SOS2: variants seen among roughly 807,000 people sequenced by gnomAD.
SOS2 encodes the protein SOS Ras/Rho guanine nucleotide exchange factor 2.
In SOS2, 65 loss-of-function variants were observed where a neutral mutation model predicts 148.2. The observed-to-expected ratio is 0.44, with a 90% CI of 0.36 to 0.54. The LOEUF (loss-of-function observed/expected upper bound fraction) is 0.54. Ranked by LOEUF, SOS2 falls within the 20% of genes least tolerant of loss-of-function variation. The pLI is 0.00. For missense variants in SOS2, 1,341 were observed against 1,590.2 expected (o/e 0.84, Z 2.67); for synonymous variants, 539 against 537.1 (o/e 1.00, Z -0.05).
rs1884612578 is a variant in SOS2 at position 50,150,079 on chromosome 14, T to C, written c.2313A>G (p.Thr771=). ...TTGGATGAAGTGTCATGAGATCAAA[T>C]GTTTCAAACTGTCCTGGTTTGCTGA... ...WHISKPGQFE[T]FDLMTLHPIE... Residue 771 remains threonine (T), a synonymous_variant, in exon 14 of 23, where the codon ACA becomes ACG. Coordinates refer to ENST00000216373, the MANE Select transcript of SOS2 (RefSeq NM_006939.4). The C allele has an allele frequency of 6.2e-7, 1 of 1,614,144 alleles. No individual in the cohort carries two copies. Among genetic ancestry groups the C allele is most frequent in the Non-Finnish European group, 8.5e-7 (1 of 1,179,992 alleles).
In SOS2 at chr14:50,178,756, CAG is replaced by C. The variant is rs200270791; in HGVS notation, c.969+1814_969+1815del. Among the ~76,000 whole-genome samples the C allele has an allele frequency of 4.8e-3, 694 of 145,460 alleles. 10 individuals carry two copies. The highest frequency in any genetic ancestry group is 0.016 in the African/African-American group (620 of 38,850). On this transcript the variant is annotated intron_variant, in intron 7 of 22. Transcript: ENST00000216373. ...TATATATATATATATTTTTTGGAGA[CAG>C]GGTCTTGCTCTGTCACCTAGGCTGG...
chr14:50,188,403 G>A (rs1041805881), intron 5 of SOS2, 94 bp downstream of exon 5: 67 of 833,380 alleles, frequency 8.0e-5, no homozygotes, highest in South Asian at 2.8e-4. Flanking sequence ...GCAAGACTCC[G>A]TCTCAAAAAA....
chr14:50,186,299 T>C (rs1885909724), intron 5 of SOS2, among the ~76,000 whole-genome samples: 1 of 151,986 alleles, frequency 6.6e-6, no homozygotes, highest in Non-Finnish European at 1.5e-5. Context: ...ACTAATCCAG[T>C]GAAAAGAGAC....
intron 1 of SOS2, 106 bp from the exon 2 acceptor site, chr14:50,204,515 C>A: frequency 1.5e-6 from 1 of 680,644 alleles, no homozygotes; most frequent in Non-Finnish European, 2.4e-6. Context: ...TTACTCAAAA[C>A]AGACATAAAA....
intron 22 of SOS2, 45 bp from the exon 23 acceptor site, chr14:50,118,898 T>TAA: frequency 5.5e-6 from 6 of 1,093,378 alleles, no homozygotes; most frequent in Non-Finnish European, 6.0e-6. Context: ...TCTGAAAAAT[T>TAA]AAAAAAAAAA....
chr14:50,135,035 T>G (rs1884026221), intron 18 of SOS2, among the ~76,000 whole-genome samples: 1 of 126,558 alleles, frequency 7.9e-6, no homozygotes, highest in South Asian at 2.4e-4. Flanking sequence ...ATCACACCAT[T>G]GCACTCCAGC....
At chr14:50,157,641 A>G (rs1377259557) in intron 11 of SOS2, among the ~76,000 whole-genome samples, 1 of 152,192 alleles carries the variant, frequency 6.6e-6, no homozygotes, top group Admixed American at 6.5e-5. Flanking sequence ...CTGGACATGG[A>G]AACAACTAAG....
chr14:50,222,365 T>G (rs1260765708), intron 1 of SOS2, among the ~76,000 whole-genome samples: 1 of 152,204 alleles, frequency 6.6e-6, no homozygotes, highest in Non-Finnish European at 1.5e-5. Context: ...GATGAATACA[T>G]GTTAGCCTGG....
chr14:50,155,926 T>C (rs1224949690), intron 12 of SOS2: 2 of 152,142 alleles, frequency 1.3e-5, no homozygotes, highest in Non-Finnish European at 2.9e-5. Flanking sequence ...TGCTGATACA[T>C]AAATAATCTC....
intron 2 of SOS2, among the ~76,000 whole-genome samples, chr14:50,201,945 C>T (rs1207316646): frequency 6.6e-6 from 1 of 152,074 alleles, no homozygotes; most frequent in African/African-American, 2.4e-5. Context: ...GTTCATCTTG[C>T]TTTTTTGTTT....
chr14:50,193,595 A>G (rs752998187), intron 4 of SOS2, among the ~76,000 whole-genome samples: 2 of 152,186 alleles, frequency 1.3e-5, no homozygotes, highest in Admixed American at 1.3e-4. Context: ...AGATATCCCT[A>G]GAAACCATAT....
intron 16 of SOS2, among the ~76,000 whole-genome samples, chr14:50,144,281 G>A (rs1884389093): frequency 6.6e-6 from 1 of 151,712 alleles, no homozygotes; most frequent in South Asian, 2.1e-4. Context: ...TAAAAAAATA[G>A]AAAACTGTTT....
rs1884892716 is a variant in SOS2, at chr14:50,158,570, A to G, written c.1929T>C (p.Ile643=). ...GAAATACATATTTTTCTTACCGTTCAATCAGTAAGCTCAGCAATTCCTGTG... is the reference window on the plus strand; with the variant it reads ...GAAATACATATTTTTCTTACCGTTCGATCAGTAAGCTCAGCAATTCCTGTG... ...CKPQELLSLL[I]ERFEIPEPEP... Residue 643 remains isoleucine (I), a synonymous_variant, in exon 11 of 23, where the codon ATT becomes ATC. Transcript: ENST00000216373. 6.3e-7 allele frequency: 1 copy of G among 1,579,930 alleles called. No homozygotes were observed. The highest frequency in any genetic ancestry group is 2.2e-5 in the East Asian group (1 of 44,596).
At chr14:50,173,672 C>T (rs576143276) in intron 8 of SOS2, among the ~76,000 whole-genome samples, 1 of 152,130 alleles carries the variant, frequency 6.6e-6, no homozygotes, top group South Asian at 2.1e-4. Context: ...CCACCCGCCT[C>T]GGCCTCCCAA....
chr14:50,208,583 G>A (rs1025475221), intron 1 of SOS2, among the ~76,000 whole-genome samples: 5 of 152,128 alleles, frequency 3.3e-5, no homozygotes, highest in Non-Finnish European at 7.3e-5. Context: ...GGAAGCAGAG[G>A]TTGCAGTGAG....
rs558512760 is a variant in SOS2 at position 50,214,391 on chromosome 14, T to A, written c.88-9982A>T. 4.6e-5 allele frequency among the ~76,000 whole-genome samples: 7 copies of A among 152,244 alleles called. No homozygotes were observed. The South Asian group carries it at 1.5e-3, about 32-fold the overall frequency. On this transcript the variant is annotated intron_variant, in intron 1 of 22. Coordinates refer to ENST00000216373, the MANE Select transcript of SOS2 (RefSeq NM_006939.4). ...TAACATATTTTCTAATAAATTCAAATTAGGTTTTGGAGAAATAAATATTTC... is the reference window on the plus strand; with the variant it reads ...TAACATATTTTCTAATAAATTCAAAATAGGTTTTGGAGAAATAAATATTTC...
Position 50,204,311 on chromosome 14 carries a change from G to T in SOS2, c.186C>A (p.Ala62=). The change falls in exon 2 of 23, where the codon GCC becomes GCA. Residue 62 remains alanine, a synonymous_variant. Transcript: ENST00000216373. ...IFQLLNKLCM[A]QPRTVQDVEE... is the part of the protein sequence containing the mutation. ...CTACATCTTGAACAGTCCTTGGCTG[G>T]GCCATGCATAATTTATTAAGCAGCT... The T allele has an allele frequency of 6.2e-7, 1 of 1,602,902 alleles. No individual in the cohort carries two copies. The highest frequency in any genetic ancestry group is 8.5e-7 in the Non-Finnish European group (1 of 1,174,124).
At chr14:50,205,037 T>C (rs995835663) in intron 1 of SOS2, among the ~76,000 whole-genome samples, 10 of 151,902 alleles carry the variant, frequency 6.6e-5, no homozygotes, top group African/African-American at 2.4e-4. Context: ...ATACAGTAGG[T>C]GTCCTATAAA....
rs772188710 is a variant in SOS2 at position 50,174,435 on chromosome 14, TTC to T, written c.1068+17_1068+18del. 1 of 1,401,884 alleles carries T rather than the reference TTC, an allele frequency of 7.1e-7. No individual in the cohort carries two copies. The highest frequency in any genetic ancestry group is 9.9e-7 in the Non-Finnish European group (1 of 1,008,380). The allele number at this position is 1,401,884 out of a possible 1,614,324, so 86.8% of individuals were successfully genotyped here. On this transcript the variant is annotated intron_variant, in intron 8 of 22. Transcript: ENST00000216373. The stretch of plus-strand genomic sequence containing the variant: ...CTTCTATTAGATAAGTACTTTGAGA[TTC>T]TGTTATAAAACCTTACCTTTAGTAA...
Sources: gnomAD v4.1 joint callset for allele counts (sites outside exome capture counted in the v4.1 genomes callset) on GRCh38, gnomAD v4.1.1 for gene constraint, MANE v1.5 for transcripts, NCBI Gene and HGNC (gene_info 2026-07-23, HGNC 2026-07-21) for gene names.